FANCC: variants seen among roughly 807,000 people sequenced by gnomAD.
FANCC encodes the protein FA complementation group C.
A neutral mutation model predicts 71.3 loss-of-function variants in FANCC; 55 were observed. The observed-to-expected ratio is 0.77, with a 90% CI of 0.62 to 0.97. The LOEUF is 0.97. Ranked by LOEUF, FANCC falls within the 50% of genes least tolerant of loss-of-function variation. The pLI, the probability that FANCC is intolerant of heterozygous loss-of-function variation, is 0.00. For synonymous variants in FANCC, 275 were observed against 244.9 expected (o/e 1.12, Z -1.15); for missense variants, 678 against 670.9 (o/e 1.01, Z -0.12).
intron 4 of FANCC, among the ~76,000 whole-genome samples, chr9:95,192,363 T>G: frequency 6.6e-6 from 1 of 152,182 alleles, no homozygotes; most frequent in East Asian, 1.9e-4. Context: ...CAGTTGAAAC[T>G]TGACGCCCCA....
chr9:95,150,649 C>T (rs571383855), intron 6 of FANCC, among the ~76,000 whole-genome samples: 1 of 152,220 alleles, frequency 6.6e-6, no homozygotes, highest in Non-Finnish European at 1.5e-5. Flanking sequence ...GATCACAACA[C>T]TTGTCTGCTC....
intron 4 of FANCC, among the ~76,000 whole-genome samples, chr9:95,216,746 C>G (rs1828887351): frequency 6.6e-6 from 1 of 152,140 alleles, no homozygotes; most frequent in South Asian, 2.1e-4. Flanking sequence ...TTATCTAGGA[C>G]TCTCTGCATC....
chr9:95,111,299 C>G, intron 13 of FANCC, 164 bp downstream of exon 13: 1 of 1,583,138 alleles, frequency 6.3e-7, no homozygotes, highest in Non-Finnish European at 8.5e-7. Flanking sequence ...CCTCTGACCA[C>G]AAGGCTGGAG....
At chr9:95,143,620 C>A (rs934613647) in intron 7 of FANCC, among the ~76,000 whole-genome samples, 1 of 152,204 alleles carries the variant, frequency 6.6e-6, no homozygotes, top group Non-Finnish European at 1.5e-5. Flanking sequence ...TGCCTTCATT[C>A]TTTTTTTCAC....
chr9:95,263,468 T>TTA (rs910266197), intron 1 of FANCC, among the ~76,000 whole-genome samples: 3 of 121,616 alleles, frequency 2.5e-5, no homozygotes, highest in East Asian at 2.8e-4. Context: ...AGAGTTTTAT[T>TTA]TATATATATA....
At chr9:95,221,493 A>G (rs1829266616) in intron 4 of FANCC, among the ~76,000 whole-genome samples, 1 of 152,252 alleles carries the variant, frequency 6.6e-6, no homozygotes, top group African/African-American at 2.4e-5. Flanking sequence ...TGCATGAATT[A>G]TAACAGAACA....
intron 4 of FANCC, among the ~76,000 whole-genome samples, chr9:95,201,191 G>A (rs1012432361): frequency 8.6e-5 from 13 of 151,994 alleles, no homozygotes; most frequent in East Asian, 5.8e-4. Context: ...TGAAGTACAC[G>A]TTAATGCCAA....
At chr9:95,154,886 A>C (rs748842968) in intron 6 of FANCC, among the ~76,000 whole-genome samples, 1 of 152,082 alleles carries the variant, frequency 6.6e-6, no homozygotes, top group Admixed American at 6.6e-5. Flanking sequence ...ACTAAAATAC[A>C]ATGTTAACTA....
chr9:95,116,604 G>A (rs2072442700), intron 11 of FANCC, among the ~76,000 whole-genome samples: 1 of 152,124 alleles, frequency 6.6e-6, no homozygotes, highest in Non-Finnish European at 1.5e-5. Flanking sequence ...TTTCTGGCTG[G>A]CGCAGTCTGT....
chr9:95,100,643 T>C lies in FANCC; in HGVS notation c.*1064A>G, dbSNP rs1340117195. On this transcript the variant is annotated 3_prime_UTR_variant, in exon 15 of 15. Transcript: ENST00000289081. ...CCTTGAGATTACACTAACAATGCCT[T>C]TTTTTAAGAGATGGTCTCGCTCTGT... The C allele has an allele frequency of 4.4e-6, 1 of 229,640 alleles. No individual in the cohort carries two copies. The highest frequency in any genetic ancestry group is 2.2e-5 in the African/African-American group (1 of 45,156). 14.2% of individuals were successfully genotyped at this position (229,640 alleles called of 1,614,324 possible).
chr9:95,213,041 A>G (rs1828606602), intron 4 of FANCC, among the ~76,000 whole-genome samples: 2 of 152,360 alleles, frequency 1.3e-5, no homozygotes, highest in South Asian at 2.1e-4. Context: ...ACTGAATTTC[A>G]AAGATTTAGT....
At chr9:95,241,711 G>A (rs748881366) in intron 3 of FANCC, among the ~76,000 whole-genome samples, 1 of 152,146 alleles carries the variant, frequency 6.6e-6, no homozygotes, top group Non-Finnish European at 1.5e-5. Flanking sequence ...CCAGGCTGGA[G>A]TGCAGTGGCA....
chr9:95,221,902 G>A (rs1829297876), intron 4 of FANCC, among the ~76,000 whole-genome samples: 1 of 152,086 alleles, frequency 6.6e-6, no homozygotes, highest in Non-Finnish European at 1.5e-5. Flanking sequence ...ACTCTCATAG[G>A]TTGGTGGTGA....
rs770997201 is a variant in FANCC at position 95,171,991 on chromosome 9, C to T, written c.456+46G>A. Reference sequence around the variant, plus strand: ...CCATTTACTCTTTTTGCTGATGGCACATTCAGCATTAAACATTTCAAAAGT... The same window carrying T: ...CCATTTACTCTTTTTGCTGATGGCATATTCAGCATTAAACATTTCAAAAGT... On this transcript the variant is annotated intron_variant, in intron 5 of 14. Transcript: ENST00000289081. 6.2e-6 allele frequency: 7 copies of T among 1,132,142 alleles called. No homozygotes were observed. The Middle Eastern group carries it at 8.1e-4, about 131-fold the overall frequency. The allele number at this position is 1,132,142 out of a possible 1,614,324, so 70.1% of individuals were successfully genotyped here.
chr9:95,140,942 T>C (rs966426784), intron 7 of FANCC, among the ~76,000 whole-genome samples: 10 of 152,180 alleles, frequency 6.6e-5, no homozygotes, highest in African/African-American at 2.4e-4. Flanking sequence ...TACACGTCAA[T>C]ATAAGCAGAT....
chr9:95,105,144 C>T (rs1449330118), intron 14 of FANCC, among the ~76,000 whole-genome samples: 3 of 152,200 alleles, frequency 2.0e-5, no homozygotes, highest in East Asian at 1.9e-4. Context: ...GACTCGGATT[C>T]GTCTTAGCTG....
chr9:95,173,619 A>G (rs1184778666), intron 4 of FANCC, among the ~76,000 whole-genome samples: 2 of 152,182 alleles, frequency 1.3e-5, no homozygotes, highest in Non-Finnish European at 2.9e-5. Flanking sequence ...TAAGCCACTA[A>G]AATGTTTACA....
intron 1 of FANCC, among the ~76,000 whole-genome samples, chr9:95,252,407 T>C (rs999698684): frequency 2.7e-5 from 4 of 148,448 alleles, no homozygotes; most frequent in African/African-American, 1.0e-4. Flanking sequence ...CCCAGTAAAA[T>C]GAAGAACTTT....
chr9:95,313,413 G>A (rs1231319243), intron 1 of FANCC, among the ~76,000 whole-genome samples: 2 of 152,248 alleles, frequency 1.3e-5, no homozygotes, highest in Non-Finnish European at 2.9e-5. Flanking sequence ...TCACGGCCAG[G>A]TGCGCGCACG....
Sources: gnomAD v4.1 joint callset for allele counts (sites outside exome capture counted in the v4.1 genomes callset) on GRCh38, gnomAD v4.1.1 for gene constraint, MANE v1.5 for transcripts, NCBI Gene and HGNC (gene_info 2026-07-23, HGNC 2026-07-21) for gene names.